The following NREP variants were observed in gnomAD, a reference collection of about 807,000 sequenced individuals.
The protein encoded by NREP is neuronal regeneration-related protein.
Under a neutral mutation model 8.6 loss-of-function variants are expected in NREP, and 5 were observed. The observed-to-expected ratio is 0.58, with a 90% CI of 0.30 to 1.22. The LOEUF (loss-of-function observed/expected upper bound fraction) is 1.22. Among genes scored for constraint, NREP ranks in the 50% most tolerant of loss-of-function variants. The pLI, the probability that NREP is intolerant of heterozygous loss-of-function variation, is 0.07. For synonymous variants in NREP, 27 were observed against 28.0 expected (o/e 0.96, Z 0.11); for missense variants, 86 against 82.5 (o/e 1.04, Z -0.17).
At chr5:111,744,027 T>C (rs1367008717) in intron 2 of NREP, among the ~76,000 whole-genome samples, 1 of 152,172 alleles carries the variant, frequency 6.6e-6, no homozygotes, top group Non-Finnish European at 1.5e-5. Flanking sequence ...ATTTTGGATT[T>C]TTCTTGGTCT....
chr5:111,946,335 A>C (rs1213373031), intron 2 of NREP, among the ~76,000 whole-genome samples: 3 of 152,018 alleles, frequency 2.0e-5, no homozygotes, highest in African/African-American at 4.8e-5. Context: ...ACAAATGGCA[A>C]ATGTTTGAAG....
chr5:111,756,229 C>T, intron 1 of NREP: 1 of 988,600 alleles, frequency 1.0e-6, no homozygotes, highest in Non-Finnish European at 1.2e-6. Flanking sequence ...AGCCTTCCAC[C>T]GTGTAGTGTA....
intron 2 of NREP, among the ~76,000 whole-genome samples, chr5:111,866,516 T>C (rs767224604): frequency 6.6e-6 from 1 of 152,118 alleles, no homozygotes. Context: ...GGACAGGATG[T>C]GGAGAAAGAG....
intron 2 of NREP, among the ~76,000 whole-genome samples, chr5:111,772,536 G>A (rs1457762234): frequency 6.6e-6 from 1 of 151,920 alleles, no homozygotes; most frequent in African/African-American, 2.4e-5. Flanking sequence ...TTGGTTTGAG[G>A]GAACATCTTT....
chr5:111,821,291 T>A (rs1238688886), intron 2 of NREP, among the ~76,000 whole-genome samples: 1 of 152,154 alleles, frequency 6.6e-6, no homozygotes, highest in African/African-American at 2.4e-5. Context: ...ATCTAATGAA[T>A]CATTTAAGAC....
intron 2 of NREP, among the ~76,000 whole-genome samples, chr5:111,957,538 TAAAAA>T (rs1429045209): frequency 6.6e-6 from 1 of 151,488 alleles, no homozygotes; most frequent in African/African-American, 2.4e-5. Flanking sequence ...TTCCAAATAA[TAAAAA>T]AGAAAATGTG....
At chr5:111,799,888 T>C (rs1751962060) in intron 2 of NREP, among the ~76,000 whole-genome samples, 1 of 152,108 alleles carries the variant, frequency 6.6e-6, no homozygotes, top group Non-Finnish European at 1.5e-5. Context: ...ATTTGTTGGT[T>C]TGTTGGTAGT....
chr5:111,764,953 T>C (rs1443179501), intron 2 of NREP, among the ~76,000 whole-genome samples: 1 of 152,178 alleles, frequency 6.6e-6, no homozygotes, highest in Non-Finnish European at 1.5e-5. Context: ...AACCTGATTT[T>C]ATTATTCCTA....
chr5:111,891,593 T>C (rs1754395577), intron 2 of NREP, among the ~76,000 whole-genome samples: 1 of 152,180 alleles, frequency 6.6e-6, no homozygotes, highest in South Asian at 2.1e-4. Context: ...GGGTAATTTA[T>C]AAGAAAAGAT....
At chr5:111,827,800 G>A (rs1470304458) in intron 2 of NREP, among the ~76,000 whole-genome samples, 1 of 151,936 alleles carries the variant, frequency 6.6e-6, no homozygotes, top group African/African-American at 2.4e-5. Flanking sequence ...TCGAGATGAT[G>A]CCACTGCACT....
chr5:111,735,310 A>C, intron 3 of NREP, 120 bp downstream of exon 3: 5 of 594,732 alleles, frequency 8.4e-6, no homozygotes, highest in African/African-American at 1.8e-5. Flanking sequence ...TCATAGTATC[A>C]GATTAATGGA....
chr5:111,783,230 G>T (rs1346339678), intron 2 of NREP, among the ~76,000 whole-genome samples: 15 of 152,150 alleles, frequency 9.9e-5, no homozygotes, highest in Admixed American at 9.2e-4. Flanking sequence ...AAGGAGCAAA[G>T]GAGCAGGGAT....
intron 2 of NREP, among the ~76,000 whole-genome samples, chr5:111,880,479 C>A (rs985856762): frequency 1.9e-4 from 29 of 152,140 alleles, no homozygotes; most frequent in African/African-American, 6.5e-4. Flanking sequence ...ATGGCTACTT[C>A]TCATTGTGTT....
intron 3 of NREP, chr5:111,733,078 C>T (rs1748748354): frequency 6.6e-6 from 1 of 152,104 alleles, no homozygotes; most frequent in South Asian, 2.1e-4. Context: ...AAGAAAGTGA[C>T]GATTATTTCA....
intron 2 of NREP, among the ~76,000 whole-genome samples, chr5:111,764,528 G>A (rs1751036707): frequency 2.0e-5 from 3 of 152,258 alleles, no homozygotes; most frequent in East Asian, 3.9e-4. Flanking sequence ...GATCTTGTGA[G>A]ACTTATTCAC....
intron 2 of NREP, among the ~76,000 whole-genome samples, chr5:111,736,087 G>T (rs530889708): frequency 6.6e-6 from 1 of 152,124 alleles, no homozygotes; most frequent in East Asian, 1.9e-4. Flanking sequence ...TGATGAATTC[G>T]GTGGTGGGAG....
At chr5:111,928,597 C>T (rs1431586178) in intron 2 of NREP, among the ~76,000 whole-genome samples, 1 of 152,220 alleles carries the variant, frequency 6.6e-6, no homozygotes, top group Admixed American at 6.5e-5. Flanking sequence ...TAATATTTTT[C>T]TACTGGAGCC....
At chr5:111,946,074 T>TCTCACACACA (rs148245048) in intron 2 of NREP, among the ~76,000 whole-genome samples, 267 of 126,928 alleles carry the variant, frequency 2.1e-3, no homozygotes, top group African/African-American at 7.2e-3. Context: ...GAGATTTTGA[T>TCTCACACACA]CACACACACA....
chr5:111,745,426 A>G (rs1259912695), intron 2 of NREP, among the ~76,000 whole-genome samples: 2 of 152,154 alleles, frequency 1.3e-5, no homozygotes, highest in Non-Finnish European at 2.9e-5. Context: ...TCTTTTTTCA[A>G]TGTTCCCTGG....
Sources: allele counts gnomAD v4.1 joint callset (sites outside exome capture counted in the v4.1 genomes callset), GRCh38; gene constraint gnomAD v4.1.1; transcripts MANE v1.5; gene names NCBI Gene and HGNC (gene_info 2026-07-23, HGNC 2026-07-21).